SLAMF7: variants seen among roughly 807,000 people sequenced by gnomAD.
SLAMF7 encodes SLAM family member 7.
Under a neutral mutation model 34.1 loss-of-function variants are expected in SLAMF7, and 26 were observed. The ratio of observed to expected loss-of-function variants is 0.76; its 90% CI spans 0.56 to 1.06. The LOEUF is 1.06. SLAMF7 is among the 50% of genes least tolerant of loss of function. SLAMF7 has a pLI of 0.00. For missense variants in SLAMF7, 399 were observed against 402.5 expected (o/e 0.99, Z 0.07); for synonymous variants, 171 against 156.4 (o/e 1.09, Z -0.70).
chr1:160,742,972 C>T (rs951056200), intron 1 of SLAMF7, among the ~76,000 whole-genome samples: 2 of 152,106 alleles, frequency 1.3e-5, no homozygotes, highest in Admixed American at 1.3e-4. Context: ...CCAGAATGGA[C>T]CCTGACTCCC....
Position 160,753,524 on chromosome 1 carries a change from C to A in SLAMF7, c.*347C>A. 4.5e-6 allele frequency: 1 copy of A among 223,368 alleles called. No individual in the cohort carries two copies. Among genetic ancestry groups the A allele is most frequent in the Non-Finnish European group, 8.8e-6 (1 of 113,024 alleles). The allele number at this position is 223,368 out of a possible 1,614,324, so 13.8% of individuals were successfully genotyped here. On this transcript the variant is annotated 3_prime_UTR_variant, in exon 7 of 7. Coordinates refer to ENST00000368043, the MANE Select transcript of SLAMF7 (RefSeq NM_021181.5). The stretch of plus-strand genomic sequence containing the variant: ...CAGCCTGTTGTATTAATGATGGCTC[C>A]AGGTCAGTGTCTGGAGTTTCATTCC...
Position 160,751,037 on chromosome 1 carries a change from C to A in SLAMF7, c.770-308C>A, listed in dbSNP as rs1571128427. The A allele has an allele frequency of 1.7e-5, 6 of 349,996 alleles. No homozygotes were observed. The East Asian group carries it at 4.2e-4, about 24-fold the overall frequency. The allele number at this position is 349,996 out of a possible 1,614,324, so 21.7% of individuals were successfully genotyped here. On this transcript the variant is annotated intron_variant, in intron 4 of 6. Transcript: ENST00000368043. ...CCTAACATCAGTTGGGTATGACTTGCAGACTTTGAAATCTCCCTTCCCTCC... is the reference window on the plus strand; with the variant it reads ...CCTAACATCAGTTGGGTATGACTTGAAGACTTTGAAATCTCCCTTCCCTCC...
chr1:160,742,035 C>A lies in SLAMF7; in HGVS notation c.55+2679C>A, dbSNP rs145151188. On this transcript the variant is annotated intron_variant, in intron 1 of 6. Coordinates refer to ENST00000368043, the MANE Select transcript of SLAMF7 (RefSeq NM_021181.5). ...GGGGACGGGGTTGGCAAGCAGGAGG[C>A]AGGCTTTTCCACTCTCCCCTCCCCC... is the stretch of plus-strand genomic sequence containing the variant. Among the ~76,000 whole-genome samples the A allele has an allele frequency of 3.0e-3, 456 of 152,162 alleles. 3 individuals carry two copies. Among genetic ancestry groups the A allele is most frequent in the African/African-American group, 0.011 (437 of 41,520 alleles).
rs192452042 is a variant in SLAMF7 at position 160,751,784 on chromosome 1, T to A, written c.873+336T>A. On this transcript the variant is annotated intron_variant, in intron 5 of 6. Coordinates refer to ENST00000368043, the MANE Select transcript of SLAMF7 (RefSeq NM_021181.5). The stretch of plus-strand genomic sequence containing the variant: ...GAAGAGTGTGACTTTGACAGGATGT[T>A]TGAATCATGGTATCAGAAGACTTCT... The A allele has an allele frequency of 6.6e-4, 113 of 172,344 alleles. 1 individual carries two copies. The highest frequency in any genetic ancestry group is 2.6e-3 in the African/African-American group (104 of 39,654). The allele number at this position is 172,344 out of a possible 1,614,324, so 10.7% of individuals were successfully genotyped here.
Position 160,753,485 on chromosome 1 carries a change from A to G in SLAMF7, c.*308A>G. On this transcript the variant is annotated 3_prime_UTR_variant, in exon 7 of 7. Coordinates refer to ENST00000368043, the MANE Select transcript of SLAMF7 (RefSeq NM_021181.5). ...CCTATAAAAATGTAAATGCAAGGTC[A>G]CACATATTAATGACAGCCTGTTGTA... 5 of 332,464 alleles carry G rather than the reference A, an allele frequency of 1.5e-5. No homozygotes were observed. The South Asian group carries it at 2.1e-4, about 14-fold the overall frequency. 20.6% of individuals were successfully genotyped at this position (332,464 alleles called of 1,614,324 possible).
intron 1 of SLAMF7, among the ~76,000 whole-genome samples, chr1:160,746,766 C>T (rs549537819): frequency 4.0e-5 from 6 of 151,520 alleles, no homozygotes; most frequent in Non-Finnish European, 5.9e-5. Flanking sequence ...TGGGGAGACC[C>T]CCTTTATGGG....
At chr1:160,744,629 A>G (rs1355749152) in intron 1 of SLAMF7, among the ~76,000 whole-genome samples, 3 of 152,226 alleles carry the variant, frequency 2.0e-5, no homozygotes, top group Non-Finnish European at 4.4e-5. Context: ...GAGTAGTTGC[A>G]TGCTAGCAAC....
intron 1 of SLAMF7, among the ~76,000 whole-genome samples, chr1:160,740,822 G>C (rs1391496166): frequency 6.6e-6 from 1 of 152,168 alleles, no homozygotes; most frequent in Non-Finnish European, 1.5e-5. Context: ...CATTATCCCT[G>C]TTTTACAGTT....
At chr1:160,743,260 G>T (rs1166153842) in intron 1 of SLAMF7, among the ~76,000 whole-genome samples, 1 of 152,214 alleles carries the variant, frequency 6.6e-6, no homozygotes, top group Admixed American at 6.5e-5. Flanking sequence ...TCAGGGAAGA[G>T]CTTTGAATTA....
chr1:160,740,421 G>A (rs1046301851), intron 1 of SLAMF7, among the ~76,000 whole-genome samples: 19 of 152,160 alleles, frequency 1.2e-4, no homozygotes, highest in African/African-American at 3.6e-4. Context: ...ATCAGTCAGC[G>A]AAAGAGCACA....
intron 1 of SLAMF7, among the ~76,000 whole-genome samples, chr1:160,744,161 G>C (rs1663957665): frequency 6.6e-6 from 1 of 152,220 alleles, no homozygotes; most frequent in Non-Finnish European, 1.5e-5. Flanking sequence ...AGTGTGACCT[G>C]CTTAGATATG....
At chr1:160,746,258 A>G (rs1664123682) in intron 1 of SLAMF7, among the ~76,000 whole-genome samples, 1 of 152,262 alleles carries the variant, frequency 6.6e-6, no homozygotes, top group Non-Finnish European at 1.5e-5. Flanking sequence ...TTCATTTTAT[A>G]CCAACACAGT....
rs1558062332 is a variant in SLAMF7, at chr1:160,753,222, T to G, written c.*45T>G. ...AGTCTCTGCTCAAAAAAAAAACAATTCTCGGCCCAAAGAAAACAATCAGAA... is the reference window on the plus strand; with the variant it reads ...AGTCTCTGCTCAAAAAAAAAACAATGCTCGGCCCAAAGAAAACAATCAGAA... On this transcript the variant is annotated 3_prime_UTR_variant, in exon 7 of 7. Transcript: ENST00000368043. 1 of 1,496,468 alleles carries G rather than the reference T, an allele frequency of 6.7e-7. No individual in the cohort carries two copies. Among genetic ancestry groups the G allele is most frequent in the African/African-American group, 1.4e-5 (1 of 72,426 alleles). The allele number at this position is 1,496,468 out of a possible 1,614,324, so 92.7% of individuals were successfully genotyped here. A position where few individuals can be genotyped will look rare whatever the true frequency, so the allele number is the denominator to read the frequency against.
intron 1 of SLAMF7, among the ~76,000 whole-genome samples, chr1:160,743,466 C>A (rs1277583533): frequency 6.6e-6 from 1 of 152,196 alleles, no homozygotes; most frequent in Non-Finnish European, 1.5e-5. Context: ...ACGCAGTCAA[C>A]CCATGTCATG....
chr1:160,748,023 A>G lies in SLAMF7; in HGVS notation c.56-171A>G, dbSNP rs534314424. Among the ~76,000 whole-genome samples the G allele has an allele frequency of 7.9e-5, 12 of 152,338 alleles. No homozygotes were observed. In the South Asian group the frequency reaches 2.5e-3, roughly 32 times the overall value. On this transcript the variant is annotated intron_variant, in intron 1 of 6. Transcript: ENST00000368043. Reference sequence around the variant, plus strand: ...ATAATGCTTCCATGTGAGCACTTACATAATAGGGTAACATGTGAGGGACCT... The same window carrying G: ...ATAATGCTTCCATGTGAGCACTTACGTAATAGGGTAACATGTGAGGGACCT...
chr1:160,747,350 G>A lies in SLAMF7; in HGVS notation c.56-844G>A, dbSNP rs1247076501. On this transcript the variant is annotated intron_variant, in intron 1 of 6. Coordinates refer to ENST00000368043, the MANE Select transcript of SLAMF7 (RefSeq NM_021181.5). The stretch of plus-strand genomic sequence containing the variant: ...CCTCACATTCCTGATCCGTAAGATA[G>A]GGATATAAAGAATGTTTCTTCAAAA... 3.3e-5 allele frequency among the ~76,000 whole-genome samples: 5 copies of A among 152,254 alleles called. No homozygotes were observed. In the East Asian group the frequency reaches 9.6e-4, roughly 29 times the overall value.
intron 1 of SLAMF7, among the ~76,000 whole-genome samples, chr1:160,742,131 C>G (rs1028355380): frequency 2.6e-5 from 4 of 152,124 alleles, no homozygotes; most frequent in African/African-American, 9.7e-5. Context: ...CATAATCGGG[C>G]TCCTTCCCTC....
upstream of SLAMF7, chr1:160,739,064 A>T (rs907628891): frequency 5.4e-6 from 3 of 550,572 alleles, no homozygotes; most frequent in East Asian, 9.8e-5. Flanking sequence ...AACAGCTAAA[A>T]TATAAAATGG....
chr1:160,740,488 T>C (rs1054416746), intron 1 of SLAMF7, among the ~76,000 whole-genome samples: 2 of 152,134 alleles, frequency 1.3e-5, no homozygotes, highest in African/African-American at 2.4e-5. Context: ...GCAGCCTGTG[T>C]AGTGTACCTC....
Sources: gnomAD v4.1 joint callset for allele counts (sites outside exome capture counted in the v4.1 genomes callset) on GRCh38, gnomAD v4.1.1 for gene constraint, MANE v1.5 for transcripts, NCBI Gene and HGNC (gene_info 2026-07-23, HGNC 2026-07-21) for gene names.